CADM2: variants seen among roughly 807,000 people sequenced by gnomAD.
CADM2 encodes the protein immunoglobulin superfamily member 4D.
CADM2 carries 12 observed loss-of-function variants against 49.8 expected under a neutral mutation model. That is an observed-to-expected ratio of 0.24 (90% CI 0.15 to 0.39). The LOEUF is 0.39. Ranked by LOEUF, CADM2 falls within the 10% of genes least tolerant of loss-of-function variation. The probability of loss-of-function intolerance (pLI) is 1.00; values close to 1 mark genes in which losing one functional copy is unlikely to be tolerated. For missense variants in CADM2, 378 were observed against 492.3 expected, an observed-to-expected ratio of 0.77 and a Z score of 2.20; for synonymous variants, 214 against 175.4, an observed-to-expected ratio of 1.22 and a Z score of -1.74.
At chr3:85,753,238 C>T (rs951877674) in intron 2 of CADM2, among the ~76,000 whole-genome samples, 8 of 151,228 alleles carry the variant, frequency 5.3e-5, no homozygotes, top group African/African-American at 1.7e-4. Context: ...ATTAGAAAAG[C>T]GGAAAGACAG....
At chr3:85,063,178 T>G (rs2036399736) in intron 1 of CADM2, among the ~76,000 whole-genome samples, 1 of 151,988 alleles carries the variant, frequency 6.6e-6, no homozygotes, top group South Asian at 2.1e-4. Context: ...CCTTCTAAAA[T>G]AAAACTAATT....
intron 1 of CADM2, among the ~76,000 whole-genome samples, chr3:85,260,743 G>A (rs964657984): frequency 6.6e-6 from 1 of 152,144 alleles, no homozygotes; most frequent in Non-Finnish European, 1.5e-5. Context: ...TTAGTGATGG[G>A]TATCATCTTA....
intron 2 of CADM2, among the ~76,000 whole-genome samples, chr3:85,768,549 AAATTGATAAGTCTACAC>A (rs2069797911): frequency 6.7e-6 from 1 of 149,340 alleles, no homozygotes; most frequent in Non-Finnish European, 1.5e-5. Flanking sequence ...CTTCTTGGCT[AAATTGATAAGTCTACAC>A]AATAGCAATC....
intron 1 of CADM2, among the ~76,000 whole-genome samples, chr3:85,364,801 A>G (rs2032624275): frequency 6.6e-6 from 1 of 152,126 alleles, no homozygotes; most frequent in South Asian, 2.1e-4. Flanking sequence ...AACTTCGGTC[A>G]GGAAACGACG....
chr3:85,015,638 C>T (rs1211029031), intron 1 of CADM2, among the ~76,000 whole-genome samples: 2 of 152,098 alleles, frequency 1.3e-5, no homozygotes, highest in African/African-American at 2.4e-5. Flanking sequence ...ACAAGTATAT[C>T]GGACATTCTG....
rs146105424 is a variant in CADM2 at position 85,743,884 on chromosome 3, A to G, written c.88+17336A>G. 1.5e-3 allele frequency among the ~76,000 whole-genome samples: 235 copies of G among 152,288 alleles called. 1 individual carries two copies. In the Middle Eastern group the frequency reaches 0.017, roughly 11 times the overall value. ...TTAAAAGATATTTAAATAAATATAT[A>G]TTTAAGTAGTTAAGATTTCATCCAT... On this transcript the variant is annotated intron_variant, in intron 2 of 9. Coordinates refer to ENST00000383699, the MANE Select transcript of CADM2 (RefSeq NM_001167675.2).
At chr3:85,419,413 G>A (rs995406966) in intron 1 of CADM2, among the ~76,000 whole-genome samples, 7 of 151,668 alleles carry the variant, frequency 4.6e-5, no homozygotes, top group African/African-American at 1.2e-4. Flanking sequence ...AGCGGAGATC[G>A]CGCCACTGCA....
chr3:85,651,001 C>G (rs2107580936), intron 1 of CADM2, among the ~76,000 whole-genome samples: 2 of 149,886 alleles, frequency 1.3e-5, no homozygotes, highest in South Asian at 4.3e-4. Flanking sequence ...TTCCGCACCC[C>G]CAAAAACGTA....
chr3:85,804,106 A>G (rs1024346064), intron 3 of CADM2, among the ~76,000 whole-genome samples: 5 of 152,100 alleles, frequency 3.3e-5, no homozygotes. Flanking sequence ...TGCTTTTCGT[A>G]TTAATTGGTT....
At chr3:86,005,556 A>T (rs113238437) in intron 8 of CADM2, among the ~76,000 whole-genome samples, 164 of 45,396 alleles carry the variant, frequency 3.6e-3, no homozygotes, top group East Asian at 8.1e-3. Context: ...CGTCTCATAT[A>T]AAAAAAAAAA....
chr3:85,231,954 A>G (rs1174186834), intron 1 of CADM2, among the ~76,000 whole-genome samples: 1 of 151,522 alleles, frequency 6.6e-6, no homozygotes, highest in Non-Finnish European at 1.5e-5. Flanking sequence ...ACCCCAAGTG[A>G]TCCACCCAGC....
Position 86,014,080 on chromosome 3 carries a change from G to C in CADM2, c.971-51525G>C, listed in dbSNP as rs545716257. 81 of 1,296,488 alleles carry C rather than the reference G, an allele frequency of 6.2e-5. No homozygotes were observed. The African/African-American group carries it at 1.1e-3, about 17-fold the overall frequency. 80.3% of individuals were successfully genotyped at this position (1,296,488 alleles called of 1,614,324 possible). ...GTTCTTTTTCACAACGGTTAAGAAA[G>C]GGGTAAAGAACTGAAGGAAATCTGC... is the stretch of plus-strand genomic sequence containing the variant. On this transcript the variant is annotated intron_variant, in intron 8 of 9. Coordinates refer to ENST00000383699, the MANE Select transcript of CADM2 (RefSeq NM_001167675.2).
At chr3:85,824,080 G>A (rs754431420) in intron 3 of CADM2, among the ~76,000 whole-genome samples, 1 of 152,106 alleles carries the variant, frequency 6.6e-6, no homozygotes, top group Non-Finnish European at 1.5e-5. Context: ...ATTCTGGGAC[G>A]TTTTTCACCC....
At chr3:85,033,787 G>T (rs1361742364) in intron 1 of CADM2, among the ~76,000 whole-genome samples, 3 of 151,860 alleles carry the variant, frequency 2.0e-5, no homozygotes, top group Non-Finnish European at 2.9e-5. Context: ...AATATATCAG[G>T]ATCAAAAAGA....
intron 1 of CADM2, among the ~76,000 whole-genome samples, chr3:85,573,030 A>G (rs2062523947): frequency 6.6e-6 from 1 of 152,214 alleles, no homozygotes; most frequent in Non-Finnish European, 1.5e-5. Context: ...AGTCCATTTT[A>G]GTTAATGAAC....
Position 85,999,270 on chromosome 3 carries a change from T to A in CADM2, c.970+37623T>A, listed in dbSNP as rs57067838. ...TCCCATCACTTTGGGAGGCCGAGGG[T>A]TGGGGGGTGGATCACTTGAGTTCAG... On this transcript the variant is annotated intron_variant, in intron 8 of 9. Transcript: ENST00000383699. Among the ~76,000 whole-genome samples the A allele has an allele frequency of 3.1e-4, 41 of 134,216 alleles. 1 individual carries two copies. The highest frequency in any genetic ancestry group is 2.0e-3 in the Admixed American group (27 of 13,622). The allele number at this position is 134,216 out of a possible 152,430, so 88.1% of individuals were successfully genotyped here.
chr3:85,192,090 A>T (rs191956425), intron 1 of CADM2, among the ~76,000 whole-genome samples: 1 of 151,978 alleles, frequency 6.6e-6, no homozygotes, highest in East Asian at 1.9e-4. Flanking sequence ...ACTTATAATA[A>T]ATCATTCATA....
At chr3:85,248,360 T>A (rs1273784109) in intron 1 of CADM2, among the ~76,000 whole-genome samples, 3 of 152,096 alleles carry the variant, frequency 2.0e-5, no homozygotes, top group Non-Finnish European at 4.4e-5. Flanking sequence ...CTGCAAACTC[T>A]GCCTCCTGGA....
intron 1 of CADM2, among the ~76,000 whole-genome samples, chr3:85,153,507 G>T (rs1451640969): frequency 6.6e-6 from 1 of 152,196 alleles, no homozygotes; most frequent in Non-Finnish European, 1.5e-5. Flanking sequence ...CAGCAAGGCT[G>T]GGGGAGGGGC....
Sources: gnomAD v4.1 joint callset for allele counts (sites outside exome capture counted in the v4.1 genomes callset) on GRCh38, gnomAD v4.1.1 for gene constraint, MANE v1.5 for transcripts, NCBI Gene and HGNC (gene_info 2026-07-23, HGNC 2026-07-21) for gene names.